Variants in FANCC observed in about 807,000 individuals in gnomAD.
FANCC encodes FA complementation group C, also known as Fanconi anemia group C protein.
Under a neutral mutation model 71.3 loss-of-function variants are expected in FANCC, and 55 were observed. The observed-to-expected ratio is 0.77, with a 90% CI of 0.62 to 0.97. FANCC has a LOEUF of 0.97. Ranked by LOEUF, FANCC falls within the 50% of genes least tolerant of loss-of-function variation. The pLI, the probability that FANCC is intolerant of heterozygous loss-of-function variation, is 0.00. For missense variants in FANCC, 678 were observed against 670.9 expected, an observed-to-expected ratio of 1.01 and a Z score of -0.12; for synonymous variants, 275 against 244.9, an observed-to-expected ratio of 1.12 and a Z score of -1.15.
intron 1 of FANCC, among the ~76,000 whole-genome samples, chr9:95,264,356 T>C (rs1832257304): frequency 6.6e-6 from 1 of 152,072 alleles, no homozygotes; most frequent in South Asian, 2.1e-4. Context: ...AGAAGAAAAA[T>C]AAAACAGATA....
intron 7 of FANCC, chr9:95,145,519 C>T (rs931797199): frequency 2.0e-5 from 3 of 152,048 alleles, no homozygotes; most frequent in African/African-American, 7.3e-5. Context: ...TTCCCTGCAA[C>T]TAGAAAAATT....
At chr9:95,261,278 T>C (rs76697649) in intron 1 of FANCC, among the ~76,000 whole-genome samples, 2 of 152,220 alleles carry the variant, frequency 1.3e-5, no homozygotes, top group Non-Finnish European at 2.9e-5. Context: ...ACAAACCTAT[T>C]AGACAATTGA....
chr9:95,130,285 T>TGC (rs1206671564), intron 8 of FANCC, among the ~76,000 whole-genome samples: 2 of 145,830 alleles, frequency 1.4e-5, no homozygotes, highest in East Asian at 3.9e-4. Context: ...GCTGATTCTG[T>TGC]GTGTGTGTGT....
chr9:95,118,795 T>C (rs2072642107), intron 10 of FANCC, among the ~76,000 whole-genome samples: 1 of 152,238 alleles, frequency 6.6e-6, no homozygotes, highest in Non-Finnish European at 1.5e-5. Context: ...GAATATGCCA[T>C]AGTCTGTTTA....
At chr9:95,307,873 T>G (rs1358509082) in intron 1 of FANCC, among the ~76,000 whole-genome samples, 1 of 152,218 alleles carries the variant, frequency 6.6e-6, no homozygotes, top group East Asian at 1.9e-4. Context: ...TGAGACTCAG[T>G]AGTTTACAAA....
At chr9:95,139,851 T>TAAATATATATATTTATATATATATATAA (rs1564685203) in intron 7 of FANCC, among the ~76,000 whole-genome samples, 1 of 146,488 alleles carries the variant, frequency 6.8e-6, no homozygotes, top group African/African-American at 2.5e-5. Flanking sequence ...TATATATATA[T>TAAATATATATATTTATATATATATATAA]AAATATATAT....
intron 4 of FANCC, among the ~76,000 whole-genome samples, chr9:95,178,610 G>A (rs1826157282): frequency 6.6e-6 from 1 of 152,244 alleles, no homozygotes; most frequent in Non-Finnish European, 1.5e-5. Flanking sequence ...CCGGAGGCAG[G>A]AAGAGACGCA....
chr9:95,258,143 CTA>C (rs1425296383), intron 1 of FANCC, among the ~76,000 whole-genome samples: 3 of 152,176 alleles, frequency 2.0e-5, no homozygotes, highest in Non-Finnish European at 4.4e-5. Flanking sequence ...CCTTCTGAAA[CTA>C]TTCCAAACAA....
chr9:95,285,916 T>TA lies in FANCC; in HGVS notation c.-79+31609dup, dbSNP rs1833663107. Reference sequence around the variant, plus strand: ...TTCACTGCATATTTATTTACAATAGTAAAAAACTGCTAACAATCTATATCT... The same window carrying TA: ...TTCACTGCATATTTATTTACAATAGTAAAAAAACTGCTAACAATCTATATCT... On this transcript the variant is annotated intron_variant, in intron 1 of 14. Transcript: ENST00000289081. Among the ~76,000 whole-genome samples the TA allele has an allele frequency of 2.6e-5, 4 of 152,332 alleles. No homozygotes were observed. The South Asian group carries it at 6.2e-4, about 24-fold the overall frequency.
At chr9:95,227,140 C>T (rs1829670332) in intron 4 of FANCC, among the ~76,000 whole-genome samples, 1 of 152,238 alleles carries the variant, frequency 6.6e-6, no homozygotes, top group African/African-American at 2.4e-5. Flanking sequence ...GACATCATCT[C>T]TCAACCCACT....
chr9:95,234,918 G>A (rs1443535844), intron 4 of FANCC, among the ~76,000 whole-genome samples: 2 of 152,190 alleles, frequency 1.3e-5, no homozygotes, highest in South Asian at 2.1e-4. Flanking sequence ...TCTTACTCGG[G>A]AGCATCAGCC....
In FANCC at chr9:95,101,608, C is replaced by CACTT. The variant is rs1372425380; in HGVS notation, c.*95_*98dup. On this transcript the variant is annotated 3_prime_UTR_variant, in exon 15 of 15. Transcript: ENST00000289081. The stretch of plus-strand genomic sequence containing the variant: ...GCTCATTCTCACAGCCCAGCGAGGG[C>CACTT]ACTTACTCCACAAATGCGTGGCCAC... The CACTT allele has an allele frequency of 2.2e-5, 32 of 1,437,684 alleles. No individual in the cohort carries two copies. The highest frequency in any genetic ancestry group is 7.1e-5 in the Admixed American group (4 of 56,620). The allele number at this position is 1,437,684 out of a possible 1,614,324, so 89.1% of individuals were successfully genotyped here.
intron 1 of FANCC, among the ~76,000 whole-genome samples, chr9:95,298,131 A>G (rs2136346569): frequency 6.6e-6 from 1 of 152,306 alleles, no homozygotes; most frequent in East Asian, 1.9e-4. Context: ...ACTGAGGCCT[A>G]GTCTAGTCAC....
intron 6 of FANCC, among the ~76,000 whole-genome samples, chr9:95,151,948 C>A (rs1021248015): frequency 2.5e-4 from 38 of 150,456 alleles, no homozygotes; most frequent in East Asian, 9.8e-4. Flanking sequence ...AAACAAAAAA[C>A]AAAAAACAAA....
chr9:95,141,167 C>A (rs1289755388), intron 7 of FANCC, among the ~76,000 whole-genome samples: 1 of 151,726 alleles, frequency 6.6e-6, no homozygotes, highest in Non-Finnish European at 1.5e-5. Flanking sequence ...AAATAATTAG[C>A]AAGGCATGGT....
At chr9:95,293,971 AGTTT>A in intron 1 of FANCC, 3 of 1,586,196 alleles carry the variant, frequency 1.9e-6, no homozygotes, top group Non-Finnish European at 2.6e-6. Context: ...AGTAACTCAT[AGTTT>A]GTTACCTCAG....
intron 6 of FANCC, among the ~76,000 whole-genome samples, chr9:95,163,604 C>G (rs1434984482): frequency 1.3e-5 from 2 of 152,178 alleles, no homozygotes; most frequent in African/African-American, 2.4e-5. Flanking sequence ...AATCCCAGAA[C>G]TTTGGGAGGC....
At chr9:95,151,635 T>TG (rs1830171817) in intron 6 of FANCC, among the ~76,000 whole-genome samples, 1 of 152,118 alleles carries the variant, frequency 6.6e-6, no homozygotes, top group African/African-American at 2.4e-5. Context: ...GCATACTGAA[T>TG]TGCCTTCCAA....
chr9:95,191,392 G>C (rs1355725309), intron 4 of FANCC, among the ~76,000 whole-genome samples: 1 of 136,304 alleles, frequency 7.3e-6, no homozygotes, highest in Non-Finnish European at 1.5e-5. Flanking sequence ...GAGTGCAGTG[G>C]TGTGATCTTG....
Sources: allele counts gnomAD v4.1 joint callset (sites outside exome capture counted in the v4.1 genomes callset), GRCh38; gene constraint gnomAD v4.1.1; transcripts MANE v1.5; gene names NCBI Gene and HGNC (gene_info 2026-07-23, HGNC 2026-07-21).